CDH2: variants seen among roughly 807,000 people sequenced by gnomAD.
CDH2 encodes cadherin 2, also known as cadherin-2.
Under a neutral mutation model 92.0 loss-of-function variants are expected in CDH2, and 17 were observed. The ratio of observed to expected loss-of-function variants is 0.18; its 90% confidence interval spans 0.13 to 0.28. The LOEUF (loss-of-function observed/expected upper bound fraction) is 0.28. Ranked by LOEUF, CDH2 falls within the 10% of genes least tolerant of loss-of-function variation. The pLI is 1.00. For synonymous variants in CDH2, 419 were observed against 415.9 expected (o/e 1.01, Z -0.09); for missense variants, 862 against 1,133.1 (o/e 0.76, Z 3.44).
rs552050696 is a variant in CDH2 at position 28,080,799 on chromosome 18, C to T, written c.172+66874G>A. Among the ~76,000 whole-genome samples the T allele has an allele frequency of 6.4e-4, 97 of 152,294 alleles. 1 individual carries two copies. The highest frequency in any genetic ancestry group is 1.3e-4 in the Non-Finnish European group (9 of 68,030). ...CCACCTTCACATACAATCTTGTGAACGGCTTGTAATACAAAGAAAAATATT... is the reference window on the plus strand; with the variant it reads ...CCACCTTCACATACAATCTTGTGAATGGCTTGTAATACAAAGAAAAATATT... On this transcript the variant is annotated intron_variant, in intron 2 of 15. Coordinates refer to ENST00000269141, the MANE Select transcript of CDH2 (RefSeq NM_001792.5).
At chr18:28,163,027 T>G (rs1440916030) in intron 1 of CDH2, among the ~76,000 whole-genome samples, 1 of 152,094 alleles carries the variant, frequency 6.6e-6, no homozygotes, top group Non-Finnish European at 1.5e-5. Context: ...GTGAAGAGAA[T>G]GAGAAACACA....
chr18:28,149,151 G>GTAC (rs983713109), intron 1 of CDH2, among the ~76,000 whole-genome samples: 25 of 152,252 alleles, frequency 1.6e-4, no homozygotes, highest in Non-Finnish European at 2.9e-4. Flanking sequence ...GCAAACTCTA[G>GTAC]TAAAGATGAA....
intron 2 of CDH2, among the ~76,000 whole-genome samples, chr18:28,044,705 A>G (rs1342843492): frequency 6.6e-6 from 1 of 152,146 alleles, no homozygotes; most frequent in Non-Finnish European, 1.5e-5. Flanking sequence ...CAATGGTTCA[A>G]TGATGGGCCT....
intron 15 of CDH2, 93 bp from the exon 16 acceptor site, chr18:27,952,452 C>T: frequency 2.2e-6 from 2 of 927,946 alleles, no homozygotes; most frequent in Non-Finnish European, 3.4e-6. Flanking sequence ...CGGGATCAAA[C>T]AAACACTTGT....
chr18:27,972,317 G>C (rs1184137786), intron 14 of CDH2, among the ~76,000 whole-genome samples: 1 of 152,138 alleles, frequency 6.6e-6, no homozygotes, highest in Non-Finnish European at 1.5e-5. Context: ...GTGGCTATGA[G>C]CCTAGCCATA....
At position 28,003,075 on chromosome 18, in the gene CDH2, G is replaced by T. The variant is rs2144010117; in HGVS notation, c.942C>A (p.Ser314Arg). ...LRYRIVSQAPSTPSPNMFTIN... is the reference protein window; with the variant it reads ...LRYRIVSQAPRTPSPNMFTIN... The stretch of plus-strand genomic sequence containing the variant: ...TTGTAAACATGTTGGGTGAAGGGGT[G>T]CTTGGAGCCTGAGACACGATTCTGT... Residue 314 changes from serine to arginine, a missense_variant, in exon 7 of 16, where the codon AGC becomes AGA. Physicochemically the swap from Ser to Arg is moderately radical, Grantham distance 110. This residue lies in a region of CDH2 where 564 missense variants were observed against 722.2 expected (regional missense o/e 0.78). Transcript: ENST00000269141. 6.2e-7 allele frequency: 1 copy of T among 1,614,004 alleles called. No homozygotes were observed. The highest frequency in any genetic ancestry group is 8.5e-7 in the Non-Finnish European group (1 of 1,179,932).
At chr18:27,967,910 G>A (rs989225987) in intron 14 of CDH2, among the ~76,000 whole-genome samples, 2 of 152,152 alleles carry the variant, frequency 1.3e-5, no homozygotes, top group African/African-American at 4.8e-5. Context: ...TGTTGCATCA[G>A]TATAAATTGA....
chr18:28,123,634 C>A (rs547530605), intron 2 of CDH2, among the ~76,000 whole-genome samples: 2 of 152,174 alleles, frequency 1.3e-5, no homozygotes, highest in Admixed American at 6.5e-5. Flanking sequence ...TAATTTTGAT[C>A]GTGCTTTAGA....
chr18:27,966,475 A>G (rs1420040929), intron 14 of CDH2, among the ~76,000 whole-genome samples: 8 of 152,210 alleles, frequency 5.3e-5, no homozygotes, highest in East Asian at 1.9e-4. Context: ...GACTTCTTCT[A>G]TAACTCCAAC....
Position 27,992,703 on chromosome 18 carries a change from G to T in CDH2, c.1296C>A (p.Ala432=). 1 of 1,613,860 alleles carries T rather than the reference G, an allele frequency of 6.2e-7. No individual in the cohort carries two copies. The highest frequency in any genetic ancestry group is 8.5e-7 in the Non-Finnish European group (1 of 1,179,860). The stretch of plus-strand genomic sequence containing the variant: ...CGTTGCTGTTTGGGTCGGTCTGGAT[G>T]GCGAACCGTCCAGTAGGATCTCCGC... ...ISGGDPTGRF[A]IQTDPNSNDG... is the part of the protein sequence containing the mutation. The change falls in exon 9 of 16, where the codon GCC becomes GCA. Residue 432 remains alanine, a synonymous_variant. Transcript: ENST00000269141.
chr18:28,089,460 T>G (rs1275884453), intron 2 of CDH2, among the ~76,000 whole-genome samples: 1 of 152,146 alleles, frequency 6.6e-6, no homozygotes, highest in Non-Finnish European at 1.5e-5. Flanking sequence ...AGAAGGAAAT[T>G]TTTAAAGGGT....
At chr18:28,123,409 T>C (rs1184538201) in intron 2 of CDH2, among the ~76,000 whole-genome samples, 1 of 152,178 alleles carries the variant, frequency 6.6e-6, no homozygotes, top group East Asian at 1.9e-4. Flanking sequence ...GCAGCAATCA[T>C]CTTATGTGAT....
At chr18:28,036,435 CCAT>C (rs1294613141) in intron 2 of CDH2, 1 of 941,968 alleles carries the variant, frequency 1.1e-6, no homozygotes, top group Non-Finnish European at 1.7e-6. Context: ...AACTAAATCA[CCAT>C]GTTATGGAAT....
At chr18:27,999,296 G>C (rs2012686690) in intron 7 of CDH2, among the ~76,000 whole-genome samples, 1 of 152,128 alleles carries the variant, frequency 6.6e-6, no homozygotes, top group African/African-American at 2.4e-5. Flanking sequence ...AGAGGGTCTG[G>C]AATGCACTAT....
chr18:28,022,272 GAC>G (rs1181739546), intron 2 of CDH2, among the ~76,000 whole-genome samples: 5 of 151,902 alleles, frequency 3.3e-5, no homozygotes, highest in Non-Finnish European at 7.4e-5. Flanking sequence ...CAGTTTTACA[GAC>G]AGGTTGAGAA....
intron 2 of CDH2, among the ~76,000 whole-genome samples, chr18:28,122,542 A>G (rs572087852): frequency 3.3e-5 from 5 of 152,280 alleles, no homozygotes; most frequent in Non-Finnish European, 7.4e-5. Flanking sequence ...ATTGGACTCC[A>G]TGGTAAAGAG....
chr18:28,026,021 T>A (rs1443013032), intron 2 of CDH2, among the ~76,000 whole-genome samples: 1 of 152,178 alleles, frequency 6.6e-6, no homozygotes, highest in African/African-American at 2.4e-5. Context: ...CTAGTGGCTA[T>A]GAAGTCACCA....
chr18:28,149,759 T>C (rs1392749717), intron 1 of CDH2, among the ~76,000 whole-genome samples: 2 of 152,232 alleles, frequency 1.3e-5, no homozygotes, highest in Non-Finnish European at 2.9e-5. Context: ...GCTTCAATTT[T>C]ATCTGTAATA....
chr18:28,004,898 T>A (rs1394681252), intron 6 of CDH2, among the ~76,000 whole-genome samples: 1 of 152,184 alleles, frequency 6.6e-6, no homozygotes, highest in Admixed American at 6.5e-5. Flanking sequence ...CAAGAAAATG[T>A]ATGTGTTTGA....
Sources: gnomAD v4.1 joint callset for allele counts (sites outside exome capture counted in the v4.1 genomes callset) on GRCh38, gnomAD v4.1.1 for gene constraint, gnomAD v4.1.1 regional missense constraint, MANE v1.5 for transcripts, NCBI Gene and HGNC (gene_info 2026-07-23, HGNC 2026-07-21) for gene names.